The following EYA1 variants were observed in gnomAD, a reference collection of about 807,000 sequenced individuals.
EYA1 encodes protein phosphatase EYA1.
EYA1 carries 16 observed loss-of-function variants against 82.0 expected under a neutral mutation model. That is an observed-to-expected ratio of 0.20 (90% CI 0.13 to 0.30). The LOEUF is 0.30. EYA1 is among the 10% of genes least tolerant of loss of function. The probability of loss-of-function intolerance (pLI) is 1.00; values close to 1 mark genes in which losing one functional copy is unlikely to be tolerated. For missense variants in EYA1, 633 were observed against 730.7 expected, an observed-to-expected ratio of 0.87 and a Z score of 1.54; for synonymous variants, 261 against 264.4, an observed-to-expected ratio of 0.99 and a Z score of 0.12.
At chr8:71,546,408 G>A (rs1464276671) in intron 1 of EYA1, among the ~76,000 whole-genome samples, 1 of 152,104 alleles carries the variant, frequency 6.6e-6, no homozygotes, top group East Asian at 1.9e-4. Flanking sequence ...ATGGAAGAAT[G>A]CCTTCATTGA....
chr8:71,448,822 C>A, intron 2 of EYA1: 1 of 166,450 alleles, frequency 6.0e-6, no homozygotes, highest in South Asian at 1.9e-4. Flanking sequence ...AAAAGTGTTT[C>A]CTTTCCTAAG....
At chr8:71,509,246 A>T (rs1216605508) in intron 2 of EYA1, among the ~76,000 whole-genome samples, 2 of 152,120 alleles carry the variant, frequency 1.3e-5, no homozygotes, top group African/African-American at 2.4e-5. Flanking sequence ...ATAAATAAAT[A>T]AATAATTATT....
intron 2 of EYA1, among the ~76,000 whole-genome samples, chr8:71,395,887 T>C (rs1310662831): frequency 6.6e-6 from 1 of 152,154 alleles, no homozygotes; most frequent in Non-Finnish European, 1.5e-5. Flanking sequence ...TGTTTGTACA[T>C]GTGGTAGAAT....
At chr8:71,478,577 C>A (rs1194070104) in intron 2 of EYA1, among the ~76,000 whole-genome samples, 7 of 152,172 alleles carry the variant, frequency 4.6e-5, no homozygotes, top group Admixed American at 4.6e-4. Context: ...AAGACCTCTA[C>A]CTGTGAACAG....
chr8:71,252,742 G>C (rs1218688752), intron 11 of EYA1, among the ~76,000 whole-genome samples: 1 of 152,154 alleles, frequency 6.6e-6, no homozygotes, highest in African/African-American at 2.4e-5. Flanking sequence ...GATGGGATCT[G>C]AGCAATGCAC....
In EYA1 at chr8:71,354,802, ATGGAAT is replaced by A. The variant is rs1826689930; in HGVS notation, c.98_103del (p.Asn33_Ser34del). On this transcript the variant is annotated inframe_deletion, in exon 3 of 18. Coordinates refer to ENST00000340726, the MANE Select transcript of EYA1 (RefSeq NM_000503.6). ...CTCACCTTCGGTGCCATTGGGAGTC[ATGGAAT>A]TACTATTTATATGAGAGTTACCGAG... The A allele has an allele frequency of 8.7e-6, 14 of 1,613,532 alleles. No individual in the cohort carries two copies. The highest frequency in any genetic ancestry group is 1.2e-5 in the Non-Finnish European group (14 of 1,179,584).
chr8:71,253,147 C>G (rs573787038), intron 11 of EYA1, among the ~76,000 whole-genome samples: 1 of 152,022 alleles, frequency 6.6e-6, no homozygotes, highest in Non-Finnish European at 1.5e-5. Context: ...GTGGTCAAGT[C>G]GAAGGATAAA....
intron 2 of EYA1, among the ~76,000 whole-genome samples, chr8:71,385,036 G>A (rs549749405): frequency 6.6e-6 from 1 of 151,374 alleles, no homozygotes; most frequent in African/African-American, 2.4e-5. Context: ...TTGAGACAGC[G>A]TCTCACTCTG....
chr8:71,343,613 A>T (rs1825396105), intron 3 of EYA1, among the ~76,000 whole-genome samples: 1 of 152,126 alleles, frequency 6.6e-6, no homozygotes, highest in South Asian at 2.1e-4. Flanking sequence ...TAGCAAGAAG[A>T]TCCTCACCAG....
intron 2 of EYA1, among the ~76,000 whole-genome samples, chr8:71,367,742 C>T (rs144967123): frequency 2.6e-5 from 4 of 152,296 alleles, no homozygotes; most frequent in African/African-American, 9.6e-5. Context: ...TTTCTCTCTA[C>T]TGTAAGGTTT....
In EYA1 at chr8:71,324,937, G is replaced by A. The variant is rs539615023; in HGVS notation, c.203-2669C>T. ...CTACTGCAACAGTTACAGAGCCACT[G>A]TCCCTTTGTCCCACTCAGAGATGGC... On this transcript the variant is annotated intron_variant, in intron 4 of 17. Coordinates refer to ENST00000340726, the MANE Select transcript of EYA1 (RefSeq NM_000503.6). 3.3e-5 allele frequency among the ~76,000 whole-genome samples: 5 copies of A among 152,276 alleles called. No homozygotes were observed. The South Asian group carries it at 1.0e-3, about 32-fold the overall frequency.
intron 2 of EYA1, among the ~76,000 whole-genome samples, chr8:71,504,639 G>C (rs1297999203): frequency 6.6e-6 from 1 of 152,080 alleles, no homozygotes; most frequent in East Asian, 1.9e-4. Context: ...GCGTACATCA[G>C]AATCACCTGG....
intron 17 of EYA1, among the ~76,000 whole-genome samples, chr8:71,202,365 G>A (rs1019399381): frequency 6.6e-6 from 1 of 152,150 alleles, no homozygotes; most frequent in Admixed American, 6.6e-5. Context: ...ATGTGTGTGG[G>A]TTGATGCCGC....
At chr8:71,433,259 G>T (rs1425829155) in intron 2 of EYA1, among the ~76,000 whole-genome samples, 1 of 152,160 alleles carries the variant, frequency 6.6e-6, no homozygotes. Context: ...ATAGGAAAAG[G>T]TAAGGAGAAA....
At chr8:71,394,449 A>G (rs910024162) in intron 2 of EYA1, among the ~76,000 whole-genome samples, 2 of 152,128 alleles carry the variant, frequency 1.3e-5, no homozygotes, top group African/African-American at 4.8e-5. Flanking sequence ...TCTTTAATCC[A>G]TCTTGAATTA....
intron 2 of EYA1, among the ~76,000 whole-genome samples, chr8:71,375,183 T>A (rs1049063976): frequency 1.3e-5 from 2 of 152,134 alleles, no homozygotes; most frequent in African/African-American, 2.4e-5. Context: ...CAGAAGATGA[T>A]GAATAGGTTA....
chr8:71,427,822 C>T (rs1283753693), intron 2 of EYA1, among the ~76,000 whole-genome samples: 1 of 151,888 alleles, frequency 6.6e-6, no homozygotes, highest in Admixed American at 6.6e-5. Flanking sequence ...GAGTTCAAGA[C>T]TATCTTGGGC....
intron 2 of EYA1, among the ~76,000 whole-genome samples, chr8:71,446,035 T>C (rs962255089): frequency 6.6e-6 from 1 of 152,168 alleles, no homozygotes. Flanking sequence ...ACTTGGTAAA[T>C]ATATATATTT....
At chr8:71,436,487 G>A (rs1382733889) in intron 2 of EYA1, among the ~76,000 whole-genome samples, 1 of 152,110 alleles carries the variant, frequency 6.6e-6, no homozygotes, top group Non-Finnish European at 1.5e-5. Context: ...ATAAAAGAAA[G>A]CATTCTGGTT....
Sources: allele counts gnomAD v4.1 joint callset (sites outside exome capture counted in the v4.1 genomes callset), GRCh38; gene constraint gnomAD v4.1.1; transcripts MANE v1.5; gene names NCBI Gene and HGNC (gene_info 2026-07-23, HGNC 2026-07-21).